The following CMSS1 variants were observed in gnomAD, a reference collection of about 807,000 sequenced individuals.
The protein encoded by CMSS1 is cms1 ribosomal small subunit homolog.
A neutral mutation model predicts 43.5 loss-of-function variants in CMSS1; 33 were observed. That is an observed-to-expected ratio of 0.76 (90% CI 0.57 to 1.01). CMSS1 has a LOEUF of 1.01. Ranked by LOEUF, CMSS1 falls within the 50% of genes least tolerant of loss-of-function variation. CMSS1 has a pLI of 0.00. For synonymous variants in CMSS1, 115 were observed against 117.2 expected, an observed-to-expected ratio of 0.98 and a Z score of 0.12; for missense variants, 313 against 326.4, an observed-to-expected ratio of 0.96 and a Z score of 0.32.
chr3:100,050,187 T>C (rs2107315499), intron 1 of CMSS1, among the ~76,000 whole-genome samples: 1 of 152,290 alleles, frequency 6.6e-6, no homozygotes, highest in Admixed American at 6.5e-5. Flanking sequence ...GGTAGATCAG[T>C]TTCATAGATC....
chr3:99,960,731 T>C (rs2107702267), intron 1 of CMSS1, among the ~76,000 whole-genome samples: 1 of 152,350 alleles, frequency 6.6e-6, no homozygotes, highest in Admixed American at 6.5e-5. Flanking sequence ...TTGTTCTTGC[T>C]TTCCTTTGTA....
intron 1 of CMSS1, among the ~76,000 whole-genome samples, chr3:99,978,803 T>C (rs1286926855): frequency 6.6e-6 from 1 of 152,056 alleles, no homozygotes; most frequent in Non-Finnish European, 1.5e-5. Flanking sequence ...GAGAGTCACT[T>C]GAACCCAGGA....
intron 1 of CMSS1, among the ~76,000 whole-genome samples, chr3:99,961,815 G>A (rs1009467810): frequency 1.3e-5 from 2 of 152,180 alleles, no homozygotes; most frequent in African/African-American, 4.8e-5. Context: ...CTTTAGGTCT[G>A]CCAACCTATT....
intron 1 of CMSS1, among the ~76,000 whole-genome samples, chr3:99,852,033 C>A (rs752320300): frequency 6.6e-6 from 1 of 152,246 alleles, no homozygotes; most frequent in East Asian, 1.9e-4. Context: ...ATGATGACTA[C>A]TATGACATGC....
At chr3:99,941,513 A>G (rs868443045) in intron 1 of CMSS1, among the ~76,000 whole-genome samples, 11 of 152,198 alleles carry the variant, frequency 7.2e-5, no homozygotes, top group Non-Finnish European at 1.0e-4. Context: ...GGGAATATCA[A>G]ATTGTGCCTA....
chr3:99,926,798 C>T (rs1382441783), intron 1 of CMSS1, among the ~76,000 whole-genome samples: 1 of 152,170 alleles, frequency 6.6e-6, no homozygotes, highest in Non-Finnish European at 1.5e-5. Flanking sequence ...TCCACTCTTG[C>T]TTTCCATTGT....
At chr3:100,011,903 A>T (rs1346239528) in intron 1 of CMSS1, 1 of 152,214 alleles carries the variant, frequency 6.6e-6, no homozygotes, top group Non-Finnish European at 1.5e-5. Flanking sequence ...AAAAACTTTT[A>T]AAAATAGAGA....
chr3:100,100,947 G>A (rs2066293521), intron 1 of CMSS1, among the ~76,000 whole-genome samples: 2 of 152,082 alleles, frequency 1.3e-5, no homozygotes, highest in Admixed American at 1.3e-4. Context: ...TGTGTTAGTG[G>A]TCAGTTTTTT....
chr3:99,872,268 A>ACT (rs1199988502), intron 1 of CMSS1, among the ~76,000 whole-genome samples: 1 of 50,300 alleles, frequency 2.0e-5, no homozygotes, highest in East Asian at 8.0e-4. Flanking sequence ...CTGTGCCAGG[A>ACT]CTGTGTGTGT....
intron 1 of CMSS1, among the ~76,000 whole-genome samples, chr3:99,858,363 G>T (rs1219202427): frequency 1.3e-5 from 2 of 152,014 alleles, no homozygotes; most frequent in Non-Finnish European, 2.9e-5. Flanking sequence ...TACTTGGGAG[G>T]CTGAGGCAGG....
At chr3:99,936,821 A>G (rs1004120625) in intron 1 of CMSS1, among the ~76,000 whole-genome samples, 1 of 152,104 alleles carries the variant, frequency 6.6e-6, no homozygotes, top group South Asian at 2.1e-4. Context: ...AGATATACAT[A>G]GTAAAGGAAA....
At chr3:100,123,013 A>G (rs2066634273) in intron 1 of CMSS1, among the ~76,000 whole-genome samples, 2 of 152,252 alleles carry the variant, frequency 1.3e-5, no homozygotes, top group African/African-American at 4.8e-5. Flanking sequence ...TGGGGAGATT[A>G]TATTTAAAAA....
At chr3:100,110,674 C>G (rs568867156) in intron 1 of CMSS1, among the ~76,000 whole-genome samples, 3 of 152,194 alleles carry the variant, frequency 2.0e-5, no homozygotes, top group Non-Finnish European at 1.5e-5. Context: ...TCAGAAAAAC[C>G]TTCTCCATTC....
intron 1 of CMSS1, among the ~76,000 whole-genome samples, chr3:99,924,797 C>CA (rs1707238423): frequency 6.6e-6 from 1 of 152,218 alleles, no homozygotes; most frequent in Non-Finnish European, 1.5e-5. Flanking sequence ...GCTGGGATTA[C>CA]AGGCATGAGC....
intron 1 of CMSS1, among the ~76,000 whole-genome samples, chr3:99,978,887 A>C (rs77498172): frequency 6.8e-6 from 1 of 147,602 alleles, no homozygotes; most frequent in Non-Finnish European, 1.5e-5. Flanking sequence ...TCTTGTTTAC[A>C]AAAAAAAAAG....
intron 1 of CMSS1, among the ~76,000 whole-genome samples, chr3:100,014,143 G>A (rs558915308): frequency 6.6e-6 from 1 of 151,054 alleles, no homozygotes; most frequent in South Asian, 2.1e-4. Flanking sequence ...TGTTGAAAAT[G>A]ACAGAATTTC....
At position 99,911,958 on chromosome 3, in the gene CMSS1, A is replaced by C. The variant is rs1482159961; in HGVS notation, c.64+93915A>C. Among the ~76,000 whole-genome samples, 3 of 152,120 alleles carry C rather than the reference A, an allele frequency of 2.0e-5. No homozygotes were observed. In the East Asian group the frequency reaches 5.8e-4, roughly 29 times the overall value. ...TTCTCTCTTTTTTTTTCCAGCAAAT[A>C]ATCATTTGCTTTCAGTTCCAAGTCT... On this transcript the variant is annotated intron_variant, in intron 1 of 9. Coordinates refer to ENST00000421999, the MANE Select transcript of CMSS1 (RefSeq NM_032359.4).
chr3:100,172,253 T>C lies in CMSS1; in HGVS notation c.580-63T>C, dbSNP rs1353821492. 3.6e-6 allele frequency: 5 copies of C among 1,378,474 alleles called. No homozygotes were observed. The African/African-American group carries it at 4.3e-5, about 12-fold the overall frequency. The allele number at this position is 1,378,474 out of a possible 1,614,324, so 85.4% of individuals were successfully genotyped here. On this transcript the variant is annotated intron_variant, in intron 7 of 9. Transcript: ENST00000421999. ...TAACTTTGAGATAAAATGTTCTAAATTGGTGTAAGATAGCACTTTCTTAAT... is the reference window on the plus strand; with the variant it reads ...TAACTTTGAGATAAAATGTTCTAAACTGGTGTAAGATAGCACTTTCTTAAT...
At chr3:100,112,563 A>G (rs2066509628) in intron 1 of CMSS1, among the ~76,000 whole-genome samples, 1 of 152,262 alleles carries the variant, frequency 6.6e-6, no homozygotes, top group Admixed American at 6.5e-5. Context: ...ACAATTACAC[A>G]TGAACTTTAA....
Sources: gnomAD v4.1 joint callset for allele counts (sites outside exome capture counted in the v4.1 genomes callset) on GRCh38, gnomAD v4.1.1 for gene constraint, MANE v1.5 for transcripts, NCBI Gene and HGNC (gene_info 2026-07-23, HGNC 2026-07-21) for gene names.